EYA2: variants seen among roughly 807,000 people sequenced by gnomAD.
EYA2 encodes EYA transcriptional coactivator and phosphatase 2, also known as protein phosphatase EYA2.
A neutral mutation model predicts 69.2 loss-of-function variants in EYA2; 31 were observed. The ratio of observed to expected loss-of-function variants is 0.45; its 90% confidence interval spans 0.34 to 0.60. The LOEUF (loss-of-function observed/expected upper bound fraction) is 0.60. Among genes scored for constraint, EYA2 ranks in the 20% least tolerant of loss-of-function variants. EYA2 has a pLI of 0.02. For missense variants in EYA2, 622 were observed against 701.2 expected, an observed-to-expected ratio of 0.89 and a Z score of 1.28; for synonymous variants, 257 against 279.4, an observed-to-expected ratio of 0.92 and a Z score of 0.80.
intron 9 of EYA2, among the ~76,000 whole-genome samples, chr20:47,103,238 T>C (rs995525237): frequency 1.3e-5 from 2 of 152,180 alleles, no homozygotes; most frequent in African/African-American, 4.8e-5. Context: ...AGAAACCCTA[T>C]ACTCACTAGC....
chr20:47,129,106 A>G (rs1314392732), intron 9 of EYA2, among the ~76,000 whole-genome samples: 1 of 152,228 alleles, frequency 6.6e-6, no homozygotes, highest in Non-Finnish European at 1.5e-5. Flanking sequence ...CCTGGGTAAC[A>G]CAGCAAGACT....
intron 10 of EYA2, among the ~76,000 whole-genome samples, chr20:47,160,387 C>T (rs191362355): frequency 6.6e-6 from 1 of 152,164 alleles, no homozygotes; most frequent in Admixed American, 6.5e-5. Context: ...TCTAATAAAA[C>T]TTTATTTACA....
In EYA2 at chr20:47,176,986, C is replaced by T. The variant is rs547335820; in HGVS notation, c.1199-2812C>T. On this transcript the variant is annotated intron_variant, in intron 12 of 15. Transcript: ENST00000327619. ...TTTGTATTTTTAGTAGAGATAGAGA[C>T]GGGATTTCACCACGTTGGCCAGGCT... Among the ~76,000 whole-genome samples the T allele has an allele frequency of 8.5e-5, 13 of 152,058 alleles. 1 individual carries two copies. Among genetic ancestry groups the T allele is most frequent in the African/African-American group, 1.7e-4 (7 of 41,474 alleles).
intron 8 of EYA2, among the ~76,000 whole-genome samples, chr20:47,095,621 G>A (rs1003275170): frequency 2.0e-5 from 3 of 151,852 alleles, no homozygotes; most frequent in Non-Finnish European, 2.9e-5. Flanking sequence ...CAAGGACTGA[G>A]GAACAGTGAA....
At chr20:47,177,676 A>G (rs575647985) in intron 12 of EYA2, among the ~76,000 whole-genome samples, 1 of 152,386 alleles carries the variant, frequency 6.6e-6, no homozygotes, top group Non-Finnish European at 1.5e-5. Flanking sequence ...CAGTTTGGAC[A>G]CTGGGCTCTT....
intron 9 of EYA2, among the ~76,000 whole-genome samples, chr20:47,133,541 A>G (rs2033391742): frequency 1.3e-5 from 2 of 152,178 alleles, no homozygotes; most frequent in Admixed American, 6.5e-5. Context: ...CTGTGTTGGG[A>G]ATCCCCAAGA....
At chr20:46,984,614 AC>A (rs1490241531) in intron 1 of EYA2, among the ~76,000 whole-genome samples, 1 of 152,160 alleles carries the variant, frequency 6.6e-6, no homozygotes, top group Non-Finnish European at 1.5e-5. Flanking sequence ...TGAAACTGGA[AC>A]CCTTATGTAC....
At chr20:47,156,222 T>C (rs2033949662) in intron 10 of EYA2, among the ~76,000 whole-genome samples, 1 of 130,656 alleles carries the variant, frequency 7.7e-6, no homozygotes, top group South Asian at 2.8e-4. Flanking sequence ...TAGTCCCAGC[T>C]ACTCGGGAGG....
intron 5 of EYA2, among the ~76,000 whole-genome samples, chr20:47,050,669 A>G (rs532594748): frequency 4.1e-4 from 63 of 152,378 alleles, no homozygotes; most frequent in African/African-American, 1.5e-3. Flanking sequence ...TTGATCTAAA[A>G]GTGGGAGACA....
At position 46,999,126 on chromosome 20, in the gene EYA2, A is replaced by G. The variant is rs1026278608; in HGVS notation, c.110-2302A>G. On this transcript the variant is annotated intron_variant, in intron 2 of 15. Transcript: ENST00000327619. ...CCTCCAATTTATGGAATGCCAAGTTAATTCGAGCCCATAGGAATGTTGTTC... is the reference window on the plus strand; with the variant it reads ...CCTCCAATTTATGGAATGCCAAGTTGATTCGAGCCCATAGGAATGTTGTTC... 5.3e-5 allele frequency among the ~76,000 whole-genome samples: 8 copies of G among 152,350 alleles called. 1 individual carries two copies. Among genetic ancestry groups the G allele is most frequent in the African/African-American group, 1.9e-4 (8 of 41,574 alleles).
chr20:46,971,321 A>T (rs6122543), intron 1 of EYA2, among the ~76,000 whole-genome samples: 43,684 of 152,110 alleles, frequency 0.29, 6,900 homozygotes, highest in East Asian at 0.42. Context: ...ATTCCTTTCA[A>T]CTTGTTTCCT....
At chr20:46,986,419 A>ATATAATATC (rs1981213302) in intron 1 of EYA2, among the ~76,000 whole-genome samples, 1 of 142,180 alleles carries the variant, frequency 7.0e-6, no homozygotes, top group African/African-American at 2.7e-5. Context: ...TATAATATCT[A>ATATAATATC]TATATATAAT....
intron 9 of EYA2, among the ~76,000 whole-genome samples, chr20:47,142,063 C>T (rs916211212): frequency 1.3e-5 from 2 of 152,114 alleles, no homozygotes; most frequent in African/African-American, 4.8e-5. Flanking sequence ...TATGTGTCAG[C>T]GGCTGGATGG....
At chr20:47,108,463 A>C (rs368533077) in intron 9 of EYA2, among the ~76,000 whole-genome samples, 2 of 152,214 alleles carry the variant, frequency 1.3e-5, no homozygotes, top group Admixed American at 6.5e-5. Context: ...CCGAACTGTG[A>C]GCCAAATAAA....
chr20:47,056,114 A>C (rs2030597655), intron 5 of EYA2, among the ~76,000 whole-genome samples: 1 of 152,222 alleles, frequency 6.6e-6, no homozygotes, highest in Non-Finnish European at 1.5e-5. Context: ...GAATGAGGCC[A>C]TTGTGACATT....
rs540571544 is a variant in EYA2, at chr20:47,173,787, G to A, written c.1198+920G>A. ...AGGCATTAAAGTTGAAGAAGCCCTA[G>A]AAGTCACTGGTTCTCACACGTGGCT... is the stretch of plus-strand genomic sequence containing the variant. On this transcript the variant is annotated intron_variant, in intron 12 of 15. Transcript: ENST00000327619. Among the ~76,000 whole-genome samples, 6 of 152,222 alleles carry A rather than the reference G, an allele frequency of 3.9e-5. No homozygotes were observed. In the East Asian group the frequency reaches 1.2e-3, roughly 29 times the overall value.
chr20:47,133,663 G>A (rs78205659), intron 9 of EYA2, among the ~76,000 whole-genome samples: 3,311 of 152,256 alleles, frequency 0.022, 111 homozygotes, highest in East Asian at 0.089. Context: ...GCAAGGGGAA[G>A]AGGCACATGG....
At position 47,143,757 on chromosome 20, in the gene EYA2, TG is replaced by T. The variant is rs1202725056; in HGVS notation, c.978+612del. ...AGCCTATGTCAGAAAGGATTTCGAA[TG>T]GGAAACATATTTAGAATAGAACTAG... On this transcript the variant is annotated intron_variant, in intron 10 of 15. Coordinates refer to ENST00000327619, the MANE Select transcript of EYA2 (RefSeq NM_005244.5). Among the ~76,000 whole-genome samples the T allele has an allele frequency of 2.0e-5, 3 of 152,170 alleles. No homozygotes were observed. The East Asian group carries it at 5.8e-4, about 29-fold the overall frequency.
intron 1 of EYA2, among the ~76,000 whole-genome samples, chr20:46,919,075 CCATGCTGTAAGCAGA>C (rs1243252067): frequency 6.6e-6 from 1 of 152,220 alleles, no homozygotes; most frequent in Non-Finnish European, 1.5e-5. Context: ...GTTCAGCAAA[CCATGCTGTAAGCAGA>C]CATGCTGTCA....
Sources: allele counts gnomAD v4.1 joint callset (sites outside exome capture counted in the v4.1 genomes callset), GRCh38; gene constraint gnomAD v4.1.1; transcripts MANE v1.5; gene names NCBI Gene and HGNC (gene_info 2026-07-23, HGNC 2026-07-21).